Variants in CELF2 observed in about 807,000 individuals in gnomAD.
The protein encoded by CELF2 is CUGBP Elav-like family member 2, also known as CUG triplet repeat RNA-binding protein 2.
CELF2 carries 8 observed loss-of-function variants against 62.6 expected under a neutral mutation model. That is an observed-to-expected ratio of 0.13 (90% CI 0.07 to 0.23). CELF2 has a LOEUF of 0.23. CELF2 is among the 10% of genes least tolerant of loss of function. The pLI, the probability that CELF2 is intolerant of heterozygous loss-of-function variation, is 1.00. For missense variants in CELF2, 333 were observed against 671.0 expected (o/e 0.50, Z 5.56); for synonymous variants, 258 against 250.0 (o/e 1.03, Z -0.30).
intron 1 of CELF2, among the ~76,000 whole-genome samples, chr10:10,892,265 G>C (rs910246995): frequency 6.6e-5 from 10 of 152,142 alleles, no homozygotes; most frequent in African/African-American, 2.4e-4. Context: ...GTTTAGGCAG[G>C]AAGCTTCCCT....
At chr10:10,509,880 C>G in the CELF2 span, among the ~76,000 whole-genome samples, 2 of 152,140 alleles carry the variant, frequency 1.3e-5, no homozygotes, top group African/African-American at 4.8e-5. Flanking sequence ...TTTCATTTTC[C>G]CCATCAACAA....
At chr10:10,939,393 C>A (rs1275471196) in intron 2 of CELF2, among the ~76,000 whole-genome samples, 1 of 152,062 alleles carries the variant, frequency 6.6e-6, no homozygotes, top group Non-Finnish European at 1.5e-5. Flanking sequence ...TCGAGCGATT[C>A]TCTTGCCTCA....
At chr10:10,891,096 A>T (rs190387842) in intron 1 of CELF2, among the ~76,000 whole-genome samples, 2 of 152,292 alleles carry the variant, frequency 1.3e-5, no homozygotes, top group East Asian at 3.9e-4. Context: ...AGTTTTTTTC[A>T]TATGTTTAAA....
chr10:11,004,222 G>A (rs1326897667), upstream of CELF2, among the ~76,000 whole-genome samples: 1 of 152,136 alleles, frequency 6.6e-6, no homozygotes, highest in Non-Finnish European at 1.5e-5. The surrounding 1 kb of genome is among the most constrained non-coding windows in gnomAD (Gnocchi z 5.0). Context: ...ATACTGAGGT[G>A]CATGTTGGAG....
chr10:10,762,961 G>T, the CELF2 span, among the ~76,000 whole-genome samples: 1 of 152,118 alleles, frequency 6.6e-6, no homozygotes, highest in Non-Finnish European at 1.5e-5. Flanking sequence ...AATTATAAAA[G>T]ATTTGAGAAA....
intron 1 of CELF2, among the ~76,000 whole-genome samples, chr10:10,805,728 C>T (rs568784283): frequency 5.3e-4 from 80 of 152,196 alleles, no homozygotes; most frequent in Middle Eastern, 6.8e-3. Context: ...CAGAGGAGCC[C>T]GGCTGGAGTT....
chr10:10,911,573 GTATTGA>G, intron 1 of CELF2, among the ~76,000 whole-genome samples: 1 of 152,222 alleles, frequency 6.6e-6, no homozygotes, highest in Non-Finnish European at 1.5e-5. Context: ...GCATTCCTGA[GTATTGA>G]CTAAGGGATT....
At chr10:10,866,529 C>A (rs1189805122) in intron 1 of CELF2, among the ~76,000 whole-genome samples, 1 of 148,452 alleles carries the variant, frequency 6.7e-6, no homozygotes, top group East Asian at 2.0e-4. Flanking sequence ...CGCTTGAACC[C>A]GAGAGGTGGA....
the CELF2 span, among the ~76,000 whole-genome samples, chr10:10,769,866 A>C: frequency 6.6e-6 from 1 of 152,196 alleles, no homozygotes; most frequent in Admixed American, 6.5e-5. Context: ...TTACCTCCTA[A>C]ATACATGACT....
chr10:10,643,607 A>G, the CELF2 span, among the ~76,000 whole-genome samples: 1 of 152,156 alleles, frequency 6.6e-6, no homozygotes, highest in Non-Finnish European at 1.5e-5. Context: ...CAGAATTATA[A>G]ATATTTCCCA....
chr10:10,621,229 G>A, the CELF2 span, among the ~76,000 whole-genome samples: 1 of 139,078 alleles, frequency 7.2e-6, no homozygotes, highest in Non-Finnish European at 1.5e-5. Context: ...GGCTGACAGA[G>A]TGGGACTCTG....
chr10:10,804,875 A>G (rs796414410), intron 1 of CELF2, among the ~76,000 whole-genome samples: 32 of 152,242 alleles, frequency 2.1e-4, no homozygotes, highest in African/African-American at 7.2e-4. Flanking sequence ...CACAGAGGAG[A>G]GCACGCTGTG....
At chr10:10,913,807 G>T (rs2064043508) in intron 1 of CELF2, among the ~76,000 whole-genome samples, 1 of 145,360 alleles carries the variant, frequency 6.9e-6, no homozygotes, top group Non-Finnish European at 1.5e-5. Flanking sequence ...GAGAGAAGGA[G>T]AGAGAGAAAG....
At chr10:10,589,113 C>A in the CELF2 span, among the ~76,000 whole-genome samples, 1 of 152,048 alleles carries the variant, frequency 6.6e-6, no homozygotes, top group Non-Finnish European at 1.5e-5. Flanking sequence ...AATAGATGTA[C>A]GATGTACATT....
the CELF2 span, among the ~76,000 whole-genome samples, chr10:10,494,059 C>G: frequency 3.9e-4 from 60 of 152,328 alleles, no homozygotes; most frequent in Non-Finnish European, 8.5e-4. Flanking sequence ...GAAGTTTACA[C>G]TAATGTCTCT....
intron 1 of CELF2, among the ~76,000 whole-genome samples, chr10:11,148,949 G>A (rs2062785632): frequency 6.6e-6 from 1 of 151,996 alleles, no homozygotes; most frequent in Non-Finnish European, 1.5e-5. Flanking sequence ...CATCACTCTG[G>A]TATCACTAGG....
chr10:11,257,638 T>A, intron 4 of CELF2, 100 bp from the exon 5 acceptor site: 1 of 1,379,426 alleles, frequency 7.2e-7, no homozygotes, highest in Non-Finnish European at 1.0e-6. Flanking sequence ...ACGTGCTTGG[T>A]CTCACATGGC....
At chr10:10,902,199 A>G (rs2062984883) in intron 1 of CELF2, among the ~76,000 whole-genome samples, 1 of 152,172 alleles carries the variant, frequency 6.6e-6, no homozygotes, top group Non-Finnish European at 1.5e-5. Context: ...AAAGTTAAAT[A>G]CACATCTACC....
the CELF2 span, among the ~76,000 whole-genome samples, chr10:10,647,772 T>A: frequency 6.6e-6 from 1 of 152,198 alleles, no homozygotes; most frequent in African/African-American, 2.4e-5. Flanking sequence ...TCATTTACAG[T>A]TTTAAAATGT....
Sources: gnomAD v4.1 joint callset for allele counts (sites outside exome capture counted in the v4.1 genomes callset) on GRCh38, gnomAD v4.1.1 for gene constraint, Gnocchi (gnomAD v3.1) non-coding constraint, MANE v1.5 for transcripts, NCBI Gene and HGNC (gene_info 2026-07-23, HGNC 2026-07-21) for gene names.